The following PDE6B variants were observed in gnomAD, a reference collection of about 807,000 sequenced individuals.
PDE6B encodes rod cGMP-specific 3',5'-cyclic phosphodiesterase subunit beta.
In PDE6B, 106 loss-of-function variants were observed where a neutral mutation model predicts 109.0. That is an observed-to-expected ratio of 0.97 (90% CI 0.83 to 1.14). The LOEUF (loss-of-function observed/expected upper bound fraction) is 1.14, where lower values mean the gene tolerates loss of function less well. Ranked by LOEUF, PDE6B falls within the 50% of genes most tolerant of loss-of-function variation. PDE6B has a pLI of 0.00. For missense variants in PDE6B, 1,193 were observed against 1,155.6 expected (o/e 1.03, Z -0.47); for synonymous variants, 490 against 471.3 (o/e 1.04, Z -0.51).
At position 667,865 on chromosome 4, in the gene PDE6B, C is replaced by T. The variant is rs954562282; in HGVS notation, c.2362C>T (p.Arg788Cys). 11 of 1,612,978 alleles carry T rather than the reference C, an allele frequency of 6.8e-6. No homozygotes were observed. In the Admixed American group the frequency reaches 1.2e-4, roughly 17 times the overall value. ...TCTCGACTCCCCTCAGGAGTTCTCT[C>T]GTTTCCACGAAGAGATCCTGCCCAT... is the stretch of plus-strand genomic sequence containing the variant. Reference protein sequence around the residue: ...VCTFVYKEFSRFHEEILPMFD... With the variant: ...VCTFVYKEFSCFHEEILPMFD... Residue 788 changes from arginine (R) to cysteine (C), a missense_variant, in exon 21 of 22, where the codon CGT becomes TGT. By Grantham distance (180) the Arg-to-Cys change is radical. Transcript: ENST00000496514.
chr4:642,194 G>A (rs1390286825), intron 3 of PDE6B, among the ~76,000 whole-genome samples: 3 of 151,276 alleles, frequency 2.0e-5, no homozygotes, highest in Non-Finnish European at 4.4e-5. Flanking sequence ...TCACCCAGCT[G>A]GGCATGGTGG....
chr4:636,066 T>G lies in PDE6B; in HGVS notation c.711+97T>G. 1 of 774,286 alleles carries G rather than the reference T, an allele frequency of 1.3e-6. No homozygotes were observed. The allele number at this position is 774,286 out of a possible 1,614,324, so 48.0% of individuals were successfully genotyped here. On this transcript the variant is annotated intron_variant, in intron 3 of 21. Coordinates refer to ENST00000496514, the MANE Select transcript of PDE6B (RefSeq NM_000283.4). This position sits in a 1 kb window ranked among gnomAD's most constrained non-coding sequence, Gnocchi z 4.5. ...AGGCGGGTGGTGGCAGGTGGTCTTG[T>G]GCTCACCTGGGTAGGTCCTGGGGTG...
At position 655,942 on chromosome 4, in the gene PDE6B, C is replaced by T; in HGVS notation, c.995C>T (p.Thr332Ile). ...TGACCCCTGCTCTCTGCCCACAGCA[C>T]ACCCTCAGCCGATCACTGGGCCCTG... ...HGKEEIKVIPTPSADHWALAS... is the reference protein window; with the variant it reads ...HGKEEIKVIPIPSADHWALAS... Residue 332 changes from threonine (T) to isoleucine (I), a missense_variant and splice_region_variant, in exon 7 of 22, where the codon ACA becomes ATA. By Grantham distance (89) the Thr-to-Ile change is moderately conservative. Transcript: ENST00000496514. 1.9e-6 allele frequency: 3 copies of T among 1,606,304 alleles called. No homozygotes were observed. The highest frequency in any genetic ancestry group is 2.6e-6 in the Non-Finnish European group (3 of 1,173,198).
intron 1 of PDE6B, among the ~76,000 whole-genome samples, chr4:629,184 G>C (rs1386018059): frequency 6.6e-6 from 1 of 152,242 alleles, no homozygotes; most frequent in African/African-American, 2.4e-5. Context: ...CGGGTGCAGA[G>C]AGGGAGGAGC....
At chr4:630,213 G>A (rs540017650) in intron 1 of PDE6B, among the ~76,000 whole-genome samples, 35 of 152,288 alleles carry the variant, frequency 2.3e-4, no homozygotes, top group African/African-American at 7.0e-4. Context: ...AGTCGGACAG[G>A]GAGGCCGAGG....
rs1371259382 is a variant in PDE6B at position 636,356 on chromosome 4, CTG to C, written c.711+388_711+389del. Among the ~76,000 whole-genome samples, 1 of 151,880 alleles carries C rather than the reference CTG, an allele frequency of 6.6e-6. No individual in the cohort carries two copies. Among genetic ancestry groups the C allele is most frequent in the African/African-American group, 2.4e-5 (1 of 41,332 alleles). On this transcript the variant is annotated intron_variant, in intron 3 of 21. Coordinates refer to ENST00000496514, the MANE Select transcript of PDE6B (RefSeq NM_000283.4). The surrounding 1 kb of genome is among the most constrained non-coding windows in gnomAD (Gnocchi z 4.5). The stretch of plus-strand genomic sequence containing the variant: ...GGTGCAGGGGCAGGTCCGGCCCTGA[CTG>C]AGAGAGGGTGTAGGGGCAGGTCCGG...
At position 660,655 on chromosome 4, in the gene PDE6B, G is replaced by A. The variant is rs372863330; in HGVS notation, c.1614+42G>A. On this transcript the variant is annotated intron_variant, in intron 12 of 21. Coordinates refer to ENST00000496514, the MANE Select transcript of PDE6B (RefSeq NM_000283.4). Reference sequence around the variant, plus strand: ...GGCGCATAGTCAGGTCCCTGAGGCCGCCCAGGACATGGGGGTGGGGATGTG... The same window carrying A: ...GGCGCATAGTCAGGTCCCTGAGGCCACCCAGGACATGGGGGTGGGGATGTG... The A allele has an allele frequency of 4.7e-5, 74 of 1,585,486 alleles. No individual in the cohort carries two copies. The African/African-American group carries it at 7.3e-4, about 16-fold the overall frequency.
chr4:668,038 C>T, intron 21 of PDE6B, 32 bp downstream of exon 21: 2 of 1,596,658 alleles, frequency 1.3e-6, no homozygotes, highest in Non-Finnish European at 1.7e-6. Flanking sequence ...GGGGCAGGGA[C>T]TCGGTGACTC....
At position 660,717 on chromosome 4, in the gene PDE6B, G is replaced by A; in HGVS notation, c.1614+104G>A. On this transcript the variant is annotated intron_variant, in intron 12 of 21. Transcript: ENST00000496514. The stretch of plus-strand genomic sequence containing the variant: ...AGGTGCCCCAGAAGGTGAGGGGGAT[G>A]GGATTGGGGGTTCCAGATCCCACAG... 5.1e-6 allele frequency: 5 copies of A among 979,174 alleles called. No individual in the cohort carries two copies. In the South Asian group the frequency reaches 6.7e-5, roughly 13 times the overall value. 60.7% of individuals were successfully genotyped at this position (979,174 alleles called of 1,614,324 possible).
chr4:667,816 G>C, intron 20 of PDE6B, 40 bp from the exon 21 acceptor site: 1 of 1,603,540 alleles, frequency 6.2e-7, no homozygotes, highest in Non-Finnish European at 8.5e-7. Context: ...GGAGAGAGCA[G>C]GCAGGACAGG....
chr4:644,194 G>T (rs1735090774), intron 3 of PDE6B, among the ~76,000 whole-genome samples: 1 of 151,914 alleles, frequency 6.6e-6, no homozygotes, highest in Admixed American at 6.6e-5. Context: ...TGGGATTACA[G>T]GCGTGAGCCA....
intron 17 of PDE6B, 63 bp downstream of exon 17, chr4:664,284 G>T (rs1737520579): frequency 3.2e-6 from 3 of 931,230 alleles, no homozygotes; most frequent in Non-Finnish European, 5.4e-6. Context: ...CCACTCACCA[G>T]CTGGTTAACC....
chr4:645,433 C>T (rs1411610376), intron 3 of PDE6B, among the ~76,000 whole-genome samples: 2 of 151,474 alleles, frequency 1.3e-5, no homozygotes, highest in African/African-American at 2.4e-5. Context: ...GTAGCTGGGA[C>T]TACAGGCGCC....
Position 643,918 on chromosome 4 carries a change from C to CTTT in PDE6B, c.711+7968_711+7970dup, listed in dbSNP as rs57739128. ...TTTTTATTCTTATTTAGTTCAAAAT[C>CTTT]TTTTTTTTTTTTTTTTTTTTTGAGG... On this transcript the variant is annotated intron_variant, in intron 3 of 21. Coordinates refer to ENST00000496514, the MANE Select transcript of PDE6B (RefSeq NM_000283.4). 1.7e-3 allele frequency among the ~76,000 whole-genome samples: 179 copies of CTTT among 107,700 alleles called. 2 individuals carry two copies. Among genetic ancestry groups the CTTT allele is most frequent in the African/African-American group, 3.4e-3 (89 of 26,090 alleles). The allele number at this position is 107,700 out of a possible 152,430, so 70.7% of individuals were successfully genotyped here.
In PDE6B at chr4:635,984, A is replaced by T; in HGVS notation, c.711+15A>T. 1 of 1,497,620 alleles carries T rather than the reference A, an allele frequency of 6.7e-7. No individual in the cohort carries two copies. The highest frequency in any genetic ancestry group is 9.3e-7 in the Non-Finnish European group (1 of 1,073,876). 92.8% of individuals were successfully genotyped at this position (1,497,620 alleles called of 1,614,324 possible). On this transcript the variant is annotated intron_variant, in intron 3 of 21. Transcript: ENST00000496514. ...GCCGCGGCCAGGTACCCACACGCTGAGCACAGCTCTGCCCACGAGGGCCAG... is the reference window on the plus strand; with the variant it reads ...GCCGCGGCCAGGTACCCACACGCTGTGCACAGCTCTGCCCACGAGGGCCAG...
intron 17 of PDE6B, 34 bp from the exon 18 acceptor site, chr4:664,847 C>T: frequency 6.4e-7 from 1 of 1,570,050 alleles, no homozygotes; most frequent in Non-Finnish European, 8.8e-7. Flanking sequence ...TCAGGAGACG[C>T]CCATCAGCAC....
chr4:646,863 C>CTT (rs1177100337), intron 3 of PDE6B, among the ~76,000 whole-genome samples: 6 of 145,818 alleles, frequency 4.1e-5, no homozygotes, highest in Admixed American at 2.7e-4. Context: ...CATAATTTTC[C>CTT]TTTTTTTTTT....
Position 664,130 on chromosome 4 carries a change from C to T in PDE6B, c.2038C>T (p.Gln680Ter), listed in dbSNP as rs146171339. The stretch of plus-strand genomic sequence containing the variant: ...TGGGTTCAGGAAGAGAGCGATGTTT[C>T]AGAAGATCGTGGATGAGTCCAAGAA... ...ALYFKKRAMFQKIVDESKNYQ... is the reference protein window; with the variant it reads ...ALYFKKRAMF The change falls in exon 17 of 22, where the codon CAG becomes TAG. Residue 680 changes from glutamine (Q) to a stop codon, truncating the protein, a stop_gained. Coordinates refer to ENST00000496514, the MANE Select transcript of PDE6B (RefSeq NM_000283.4). LOFTEE classifies it high-confidence loss of function. 7 of 1,609,190 alleles carry T rather than the reference C, an allele frequency of 4.4e-6. No individual in the cohort carries two copies. In the African/African-American group the frequency reaches 6.7e-5, roughly 15 times the overall value.
chr4:648,788 G>C lies in PDE6B; in HGVS notation c.712-5064G>C, dbSNP rs1735338758. ...TGAGCTGCAGCAAAGCTGCATGAAAGGCCTGTGGGTGCAGGGCTGCAGCTC... is the reference window on the plus strand; with the variant it reads ...TGAGCTGCAGCAAAGCTGCATGAAACGCCTGTGGGTGCAGGGCTGCAGCTC... On this transcript the variant is annotated intron_variant, in intron 3 of 21. Transcript: ENST00000496514. This position sits in a 1 kb window ranked among gnomAD's most constrained non-coding sequence, Gnocchi z 4.5. 1.3e-5 allele frequency among the ~76,000 whole-genome samples: 2 copies of C among 152,244 alleles called. No homozygotes were observed. The highest frequency in any genetic ancestry group is 6.5e-5 in the Admixed American group (1 of 15,290).
Sources: gnomAD v4.1 joint callset for allele counts (sites outside exome capture counted in the v4.1 genomes callset) on GRCh38, gnomAD v4.1.1 for gene constraint, Gnocchi (gnomAD v3.1) non-coding constraint, MANE v1.5 for transcripts, NCBI Gene and HGNC (gene_info 2026-07-23, HGNC 2026-07-21) for gene names.